The following BHMT2 variants were observed in gnomAD, a reference collection of about 807,000 sequenced individuals.
BHMT2 encodes the protein betaine--homocysteine S-methyltransferase 2.
In BHMT2, 28 loss-of-function variants were observed where a neutral mutation model predicts 39.0. That is an observed-to-expected ratio of 0.72 (90% confidence interval 0.53 to 0.98). The LOEUF is 0.98. BHMT2 is among the 50% of genes least tolerant of loss of function. BHMT2 has a pLI of 0.00. For missense variants in BHMT2, 410 were observed against 455.6 expected, an observed-to-expected ratio of 0.90 and a Z score of 0.91; for synonymous variants, 145 against 160.6, an observed-to-expected ratio of 0.90 and a Z score of 0.74.
intron 7 of BHMT2, 95 bp from the exon 8 acceptor site, chr5:79,088,398 G>T: frequency 1.6e-6 from 1 of 609,756 alleles, no homozygotes; most frequent in Non-Finnish European, 2.8e-6. Flanking sequence ...GTGTGTGTGT[G>T]GTTATATACA....
intron 7 of BHMT2, among the ~76,000 whole-genome samples, chr5:79,084,226 G>A (rs890360163): frequency 6.6e-6 from 1 of 152,098 alleles, no homozygotes; most frequent in East Asian, 1.9e-4. Context: ...TCCTCACATG[G>A]TAGATGGGGC....
intron 2 of BHMT2, among the ~76,000 whole-genome samples, chr5:79,078,636 G>A (rs1451069575): frequency 3.3e-5 from 5 of 152,210 alleles, no homozygotes; most frequent in Admixed American, 1.3e-4. Context: ...AAGTTAACCC[G>A]TGTGAAGTGC....
chr5:79,071,131 C>T (rs948431223), intron 1 of BHMT2: 1 of 152,192 alleles, frequency 6.6e-6, no homozygotes, highest in Non-Finnish European at 1.5e-5. Context: ...CCAAGATTAT[C>T]ACACACTAAT....
intron 1 of BHMT2, among the ~76,000 whole-genome samples, chr5:79,075,794 G>A (rs1755661001): frequency 6.6e-6 from 1 of 152,200 alleles, no homozygotes; most frequent in Admixed American, 6.5e-5. Context: ...GTTCCCTTAT[G>A]CCCCTTGCAG....
chr5:79,087,399 G>C (rs764667963), intron 7 of BHMT2, among the ~76,000 whole-genome samples: 15 of 152,016 alleles, frequency 9.9e-5, no homozygotes, highest in Non-Finnish European at 1.9e-4. Context: ...GATTAAAATA[G>C]TTTAAATAAG....
intron 1 of BHMT2, among the ~76,000 whole-genome samples, chr5:79,071,822 T>TAAAAA (rs60114073): frequency 1.9e-5 from 2 of 103,576 alleles, no homozygotes; most frequent in Non-Finnish European, 2.1e-5. Context: ...AACTTAAAAG[T>TAAAAA]AAAAAAAAAA....
At chr5:79,084,939 T>C (rs758159601) in intron 7 of BHMT2, among the ~76,000 whole-genome samples, 3 of 152,196 alleles carry the variant, frequency 2.0e-5, no homozygotes, top group African/African-American at 4.8e-5. Flanking sequence ...TTCATCAATA[T>C]AAGGCAGGAA....
intron 7 of BHMT2, among the ~76,000 whole-genome samples, chr5:79,087,019 TA>T (rs1755913461): frequency 7.2e-6 from 1 of 137,962 alleles, no homozygotes; most frequent in African/African-American, 2.8e-5. Context: ...TGTGTGTATA[TA>T]TATATATATA....
chr5:79,076,607 T>G (rs533921786), intron 1 of BHMT2, among the ~76,000 whole-genome samples: 15 of 152,286 alleles, frequency 9.8e-5, no homozygotes, highest in Admixed American at 9.2e-4. Context: ...CTAGTCTGAT[T>G]TTTTACTTAC....
rs201966732 is a variant in BHMT2, at chr5:79,077,590, A to G, written c.144A>G (p.Ala48=). 4 of 1,614,004 alleles carry G rather than the reference A, an allele frequency of 2.5e-6. No homozygotes were observed. In the Admixed American group the frequency reaches 6.7e-5, roughly 27 times the overall value. Reference sequence around the variant, plus strand: ...AGGCTGGGCTCTGGACTCCAGAGGCAGTGATAGAACACCCAGACGCAGGTT... The same window carrying G: ...AGGCTGGGCTCTGGACTCCAGAGGCGGTGATAGAACACCCAGACGCAGGTT... ...YVKAGLWTPE[A]VIEHPDAVRQ... Residue 48 remains alanine (A), a synonymous_variant, in exon 2 of 8, where the codon GCA becomes GCG. Coordinates refer to ENST00000255192, the MANE Select transcript of BHMT2 (RefSeq NM_017614.5).
Position 79,083,696 on chromosome 5 carries a change from G to T in BHMT2, c.850G>T (p.Val284Phe). 4 of 1,614,102 alleles carry T rather than the reference G, an allele frequency of 2.5e-6. No individual in the cohort carries two copies. The highest frequency in any genetic ancestry group is 3.4e-6 in the Non-Finnish European group (4 of 1,180,028). ...CGCCAGAGAGGCCTACAACCTGGGGGTCAGGTACATTGGCGGGTGCTGTGG... is the reference window on the plus strand; with the variant it reads ...CGCCAGAGAGGCCTACAACCTGGGGTTCAGGTACATTGGCGGGTGCTGTGG... The part of the protein sequence containing the change: ...KYAREAYNLG[V>F]RYIGGCCGFE... The change falls in exon 7 of 8, where the codon GTC (valine) becomes TTC (phenylalanine). Residue 284 changes from valine to phenylalanine, a missense_variant. Transcript: ENST00000255192.
At chr5:79,084,141 G>A (rs940765289) in intron 7 of BHMT2, among the ~76,000 whole-genome samples, 1 of 152,130 alleles carries the variant, frequency 6.6e-6, no homozygotes, top group African/African-American at 2.4e-5. Context: ...TCAATTTCTG[G>A]TGAAGGCCTT....
At chr5:79,083,940 C>A in intron 7 of BHMT2, 84 bp downstream of exon 7, 1 of 1,483,836 alleles carries the variant, frequency 6.7e-7, no homozygotes, top group Non-Finnish European at 9.0e-7. Context: ...ATGCACATGA[C>A]AAAAAGTATA....
Position 79,083,002 on chromosome 5 carries a change from G to A in BHMT2, c.598+46G>A, listed in dbSNP as rs56689763. The A allele has an allele frequency of 7.4e-3, 11,956 of 1,608,992 alleles. 171 individuals are homozygous for A. Among genetic ancestry groups the A allele is most frequent in the Admixed American group, 0.057 (3,379 of 59,752 alleles). ...GATACACAGCTCAGTTGTTGCTTAC[G>A]AAATTTAACAAAGTGTGCTTGATAT... On this transcript the variant is annotated intron_variant, in intron 5 of 7. Coordinates refer to ENST00000255192, the MANE Select transcript of BHMT2 (RefSeq NM_017614.5).
At position 79,069,828 on chromosome 5, in the gene BHMT2, C is replaced by A. The variant is rs1184870389; in HGVS notation, c.33+13C>A. 18 of 1,421,620 alleles carry A rather than the reference C, an allele frequency of 1.3e-5. No individual in the cohort carries two copies. The highest frequency in any genetic ancestry group is 1.7e-5 in the Non-Finnish European group (18 of 1,079,738). The allele number at this position is 1,421,620 out of a possible 1,614,324, so 88.1% of individuals were successfully genotyped here. A position where few individuals can be genotyped will look rare whatever the true frequency, so the allele number is the denominator to read the frequency against. On this transcript the variant is annotated intron_variant, in intron 1 of 7. Coordinates refer to ENST00000255192, the MANE Select transcript of BHMT2 (RefSeq NM_017614.5). ...GGGGGCCAAGAAGGTGAGTTTCGTC[C>A]CCTCGATCCTCGCGGAGCTCCTGGC...
chr5:79,085,393 G>C (rs1257697789), intron 7 of BHMT2, among the ~76,000 whole-genome samples: 1 of 152,164 alleles, frequency 6.6e-6, no homozygotes, highest in African/African-American at 2.4e-5. Flanking sequence ...AATTAAAAGT[G>C]TTTAGGACTG....
chr5:79,088,621 C>T lies in BHMT2; in HGVS notation c.*47C>T, dbSNP rs769033413. 2.6e-6 allele frequency: 4 copies of T among 1,537,186 alleles called. No individual in the cohort carries two copies. Among genetic ancestry groups the T allele is most frequent in the Non-Finnish European group, 1.8e-6 (2 of 1,113,542 alleles). On this transcript the variant is annotated 3_prime_UTR_variant, in exon 8 of 8. Coordinates refer to ENST00000255192, the MANE Select transcript of BHMT2 (RefSeq NM_017614.5). ...GAAATAATCGAACAGGAAAAAGTTG[C>T]CCTCAAGCCTGACCTGGAACCGTTC...
intron 1 of BHMT2, among the ~76,000 whole-genome samples, chr5:79,075,755 T>G (rs186629025): frequency 6.6e-6 from 1 of 152,308 alleles, no homozygotes; most frequent in East Asian, 1.9e-4. Context: ...CCTGGGGAGA[T>G]GTGCTTTAGA....
intron 6 of BHMT2, 27 bp downstream of exon 6, chr5:79,083,401 C>T (rs1239699694): frequency 6.4e-7 from 1 of 1,551,876 alleles, no homozygotes; most frequent in African/African-American, 1.4e-5. Flanking sequence ...AGTAGAGGTC[C>T]TTGTATTTCT....
Sources: gnomAD v4.1 joint callset for allele counts (sites outside exome capture counted in the v4.1 genomes callset) on GRCh38, gnomAD v4.1.1 for gene constraint, MANE v1.5 for transcripts, NCBI Gene and HGNC (gene_info 2026-07-23, HGNC 2026-07-21) for gene names.